TCERG1L: variants seen among roughly 807,000 people sequenced by gnomAD.
TCERG1L encodes the protein transcription elongation regulator 1 like.
Under a neutral mutation model 56.3 loss-of-function variants are expected in TCERG1L, and 37 were observed. That is an observed-to-expected ratio of 0.66 (90% CI 0.51 to 0.87). The LOEUF (loss-of-function observed/expected upper bound fraction) is 0.87, where lower values mean the gene tolerates loss of function less well. Among genes scored for constraint, TCERG1L ranks in the 40% least tolerant of loss-of-function variants. The pLI, the probability that TCERG1L is intolerant of heterozygous loss-of-function variation, is 0.00. For synonymous variants in TCERG1L, 324 were observed against 326.3 expected (o/e 0.99, Z 0.08); for missense variants, 799 against 774.2 (o/e 1.03, Z -0.38).
At chr10:131,241,151 G>C (rs1454509516) in intron 4 of TCERG1L, among the ~76,000 whole-genome samples, 1 of 150,290 alleles carries the variant, frequency 6.7e-6, no homozygotes, top group Non-Finnish European at 1.5e-5. Flanking sequence ...GTGTGGATCC[G>C]GAGAGTGGAG....
At chr10:131,133,090 A>T (rs575686299) in intron 8 of TCERG1L, among the ~76,000 whole-genome samples, 37 of 152,234 alleles carry the variant, frequency 2.4e-4, no homozygotes, top group Middle Eastern at 3.4e-3. Context: ...GTCTAGTTCT[A>T]CGTGTTTTGT....
At chr10:131,306,640 C>G (rs929389752) in intron 3 of TCERG1L, among the ~76,000 whole-genome samples, 9 of 150,742 alleles carry the variant, frequency 6.0e-5, no homozygotes, top group Admixed American at 5.9e-4. Context: ...ATATATACAC[C>G]TACTATGTAC....
rs570780424 is a variant in TCERG1L, at chr10:131,106,970, G to A, written c.1396-2616C>T. Among the ~76,000 whole-genome samples the A allele has an allele frequency of 2.3e-4, 35 of 152,278 alleles. No individual in the cohort carries two copies. The East Asian group carries it at 2.3e-3, about 10-fold the overall frequency. On this transcript the variant is annotated intron_variant, in intron 9 of 11. Coordinates refer to ENST00000368642, the MANE Select transcript of TCERG1L (RefSeq NM_174937.4). ...ATTCTCCTCCACAGAGTGAGAACCC[G>A]GTGAAGCATAGCTGGGTCTCAGGGC...
At chr10:131,173,106 G>C (rs1228803841) in intron 4 of TCERG1L, among the ~76,000 whole-genome samples, 1 of 151,972 alleles carries the variant, frequency 6.6e-6, no homozygotes, top group Non-Finnish European at 1.5e-5. Context: ...GGCAAGGCTG[G>C]TCTCGAACTC....
intron 6 of TCERG1L, among the ~76,000 whole-genome samples, chr10:131,159,282 G>T (rs1298289533): frequency 6.6e-6 from 1 of 152,170 alleles, no homozygotes; most frequent in Non-Finnish European, 1.5e-5. Flanking sequence ...GTATTCCAGG[G>T]CTGAGATGAA....
intron 3 of TCERG1L, among the ~76,000 whole-genome samples, chr10:131,275,230 G>A (rs1846379407): frequency 1.3e-5 from 2 of 152,230 alleles, no homozygotes; most frequent in East Asian, 3.9e-4. Context: ...AATGTCACTG[G>A]GCCCCACCGC....
At chr10:131,101,919 C>T (rs1845308044) in intron 10 of TCERG1L, among the ~76,000 whole-genome samples, 1 of 151,926 alleles carries the variant, frequency 6.6e-6, no homozygotes, top group South Asian at 2.1e-4. Context: ...CCAGGCTGGT[C>T]TGGAACTCCT....
At chr10:131,155,501 C>A (rs192538316) in intron 6 of TCERG1L, among the ~76,000 whole-genome samples, 12 of 152,334 alleles carry the variant, frequency 7.9e-5, no homozygotes, top group Admixed American at 2.0e-4. Flanking sequence ...CAGCCAGGCT[C>A]CACCCGGGCT....
intron 4 of TCERG1L, among the ~76,000 whole-genome samples, chr10:131,227,215 C>G (rs1304408723): frequency 6.6e-6 from 1 of 152,230 alleles, no homozygotes; most frequent in Admixed American, 6.5e-5. Flanking sequence ...CAGGGCTGGC[C>G]GAAGCCCAAC....
intron 3 of TCERG1L, among the ~76,000 whole-genome samples, chr10:131,268,327 C>T (rs189246085): frequency 6.6e-6 from 1 of 152,324 alleles, no homozygotes; most frequent in Admixed American, 6.5e-5. Flanking sequence ...AAATACTCAG[C>T]AAACCATGCT....
intron 4 of TCERG1L, among the ~76,000 whole-genome samples, chr10:131,185,558 C>T (rs2397752): frequency 0.33 from 50,688 of 151,932 alleles, 9,692 homozygotes; most frequent in African/African-American, 0.53. Flanking sequence ...GACAAACCAC[C>T]GAATTTGAAA....
chr10:131,108,703 G>A (rs1845378761), intron 9 of TCERG1L, among the ~76,000 whole-genome samples: 3 of 152,206 alleles, frequency 2.0e-5, no homozygotes, highest in Admixed American at 2.0e-4. Flanking sequence ...CCAGCATGGG[G>A]GCATTGGGCT....
intron 4 of TCERG1L, among the ~76,000 whole-genome samples, chr10:131,169,601 A>G (rs1846067197): frequency 6.6e-6 from 1 of 152,204 alleles, no homozygotes; most frequent in East Asian, 1.9e-4. Flanking sequence ...AATTTTATCT[A>G]AAGTACAGCA....
At chr10:131,121,407 C>T (rs1845511373) in intron 8 of TCERG1L, among the ~76,000 whole-genome samples, 1 of 152,216 alleles carries the variant, frequency 6.6e-6, no homozygotes, top group African/African-American at 2.4e-5. Context: ...TCTGAAAATG[C>T]CTCGCAATAC....
Position 131,116,779 on chromosome 10 carries a change from C to T in TCERG1L, c.1395+20G>A. The T allele has an allele frequency of 6.5e-7, 1 of 1,549,548 alleles. No individual in the cohort carries two copies. Among genetic ancestry groups the T allele is most frequent in the Non-Finnish European group, 8.7e-7 (1 of 1,148,822 alleles). On this transcript the variant is annotated intron_variant, in intron 9 of 11. Transcript: ENST00000368642. ...CCGGGTCTGCCGTAGGAGTGCAGCC[C>T]CTCAGCCGCTGTGCCTTACCCCTCT...
intron 8 of TCERG1L, among the ~76,000 whole-genome samples, chr10:131,121,548 CT>C (rs1192785796): frequency 1.3e-5 from 2 of 152,244 alleles, no homozygotes; most frequent in Non-Finnish European, 2.9e-5. Flanking sequence ...ATGAACAGGC[CT>C]CCTGTGTCTT....
chr10:131,112,586 G>A (rs11017729), intron 9 of TCERG1L, among the ~76,000 whole-genome samples: 11,207 of 142,324 alleles, frequency 0.079, 2,067 homozygotes, highest in South Asian at 0.16. Context: ...GCCTGTGGCT[G>A]TGGCTGCTCC....
chr10:131,300,495 A>G (rs893568785), intron 3 of TCERG1L, among the ~76,000 whole-genome samples: 1 of 152,140 alleles, frequency 6.6e-6, no homozygotes, highest in African/African-American at 2.4e-5. Flanking sequence ...TATCACATCT[A>G]TGCAGGAGTT....
intron 4 of TCERG1L, among the ~76,000 whole-genome samples, chr10:131,224,119 G>A (rs1477796610): frequency 6.6e-6 from 1 of 151,874 alleles, no homozygotes; most frequent in Non-Finnish European, 1.5e-5. Flanking sequence ...CTTTCCCCCT[G>A]ACCCATCCTC....
Sources: allele counts gnomAD v4.1 joint callset (sites outside exome capture counted in the v4.1 genomes callset), GRCh38; gene constraint gnomAD v4.1.1; transcripts MANE v1.5; gene names NCBI Gene and HGNC (gene_info 2026-07-23, HGNC 2026-07-21).